The following ST8SIA2 variants were observed in gnomAD, a reference collection of about 807,000 sequenced individuals.
The protein encoded by ST8SIA2 is alpha-2,8-sialyltransferase 8B.
A neutral mutation model predicts 37.6 loss-of-function variants in ST8SIA2; 22 were observed. The ratio of observed to expected loss-of-function variants is 0.58; its 90% CI spans 0.42 to 0.83. ST8SIA2 has a LOEUF of 0.83. Ranked by LOEUF, ST8SIA2 falls within the 40% of genes least tolerant of loss-of-function variation. The pLI, the probability that ST8SIA2 is intolerant of heterozygous loss-of-function variation, is 0.00. For synonymous variants in ST8SIA2, 205 were observed against 201.2 expected, an observed-to-expected ratio of 1.02 and a Z score of -0.16; for missense variants, 382 against 484.7, an observed-to-expected ratio of 0.79 and a Z score of 1.99.
chr15:92,434,735 G>A (rs1344465819), intron 3 of ST8SIA2, among the ~76,000 whole-genome samples: 1 of 152,222 alleles, frequency 6.6e-6, no homozygotes, highest in Non-Finnish European at 1.5e-5. Context: ...GTCTGCCTGG[G>A]AGTCACATCC....
intron 5 of ST8SIA2, chr15:92,445,237 GAGAGATGGCGGCTGGCAA>G (rs2049833669): frequency 4.1e-6 from 2 of 486,412 alleles, no homozygotes; most frequent in Admixed American, 7.0e-5. Context: ...AACATGGGAG[GAGAGATGGCGGCTGGCAA>G]GTCACATACC....
At chr15:92,452,195 G>A (rs1316788057) in intron 5 of ST8SIA2, among the ~76,000 whole-genome samples, 1 of 152,122 alleles carries the variant, frequency 6.6e-6, no homozygotes, top group Non-Finnish European at 1.5e-5. Context: ...TTACATTCAT[G>A]GTCCCCAGAC....
intron 2 of ST8SIA2, 95 bp downstream of exon 2, chr15:92,430,206 C>G (rs1596239520): frequency 9.0e-6 from 11 of 1,221,108 alleles, no homozygotes; most frequent in East Asian, 4.9e-5. Context: ...TCTTACTTAG[C>G]AAATAGATCT....
intron 3 of ST8SIA2, 75 bp from the exon 4 acceptor site, chr15:92,438,278 G>A (rs758056502): frequency 1.2e-4 from 200 of 1,611,276 alleles, no homozygotes; most frequent in Admixed American, 9.8e-4. Context: ...GGGCGACCCT[G>A]GATAGGAAAA....
At chr15:92,444,996 C>T (rs2049831682) in intron 5 of ST8SIA2, 67 bp downstream of exon 5, 1 of 1,593,760 alleles carries the variant, frequency 6.3e-7, no homozygotes, top group Non-Finnish European at 8.5e-7. Flanking sequence ...TAGGCAGTAT[C>T]CCTTTCCCAG....
intron 1 of ST8SIA2, among the ~76,000 whole-genome samples, chr15:92,426,776 T>C (rs560809532): frequency 2.0e-5 from 3 of 152,340 alleles, no homozygotes; most frequent in Non-Finnish European, 4.4e-5. Context: ...GTAGATCTTA[T>C]ATGTTCTTAA....
Position 92,402,167 on chromosome 15 carries a change from G to A in ST8SIA2, c.98+8005G>A, listed in dbSNP as rs55970235. Among the ~76,000 whole-genome samples the A allele has an allele frequency of 6.8e-3, 1,037 of 152,180 alleles. 13 individuals are homozygous for A. Among genetic ancestry groups the A allele is most frequent in the African/African-American group, 0.024 (988 of 41,530 alleles). ...TGGGTCCTTGAAATCTGATTGTCTG[G>A]GGTCTGGATCCACAAGGTATTCTGA... On this transcript the variant is annotated intron_variant, in intron 1 of 5. Coordinates refer to ENST00000268164, the MANE Select transcript of ST8SIA2 (RefSeq NM_006011.4).
intron 3 of ST8SIA2, among the ~76,000 whole-genome samples, chr15:92,435,147 C>G (rs2049747356): frequency 6.6e-6 from 1 of 152,178 alleles, no homozygotes; most frequent in South Asian, 2.1e-4. Flanking sequence ...TAGCATGAAT[C>G]AGACATGCTA....
At chr15:92,423,025 A>G (rs984770122) in intron 1 of ST8SIA2, among the ~76,000 whole-genome samples, 2 of 152,192 alleles carry the variant, frequency 1.3e-5, no homozygotes, top group Non-Finnish European at 2.9e-5. Context: ...AACATATGCT[A>G]AGTGACAGAA....
At chr15:92,428,733 A>G (rs2049694261) in intron 1 of ST8SIA2, among the ~76,000 whole-genome samples, 1 of 152,198 alleles carries the variant, frequency 6.6e-6, no homozygotes, top group Non-Finnish European at 1.5e-5. Context: ...AGAAGACCCA[A>G]CGTTACTCTT....
At chr15:92,396,464 G>GTTT (rs1210731943) in intron 1 of ST8SIA2, among the ~76,000 whole-genome samples, 4 of 144,184 alleles carry the variant, frequency 2.8e-5, no homozygotes, top group African/African-American at 1.1e-4. Flanking sequence ...TTGTTTGTTT[G>GTTT]TTTTTGTTTT....
chr15:92,398,873 G>A (rs2049451036), intron 1 of ST8SIA2, among the ~76,000 whole-genome samples: 1 of 152,300 alleles, frequency 6.6e-6, no homozygotes, highest in South Asian at 2.1e-4. Flanking sequence ...CTCATCCCCA[G>A]TGGTTCTTCT....
intron 4 of ST8SIA2, among the ~76,000 whole-genome samples, chr15:92,443,894 G>T (rs774302235): frequency 6.6e-6 from 1 of 152,054 alleles, no homozygotes. Context: ...CGAGGAACCC[G>T]GGAATCTATA....
intron 1 of ST8SIA2, among the ~76,000 whole-genome samples, chr15:92,402,791 G>A (rs558122052): frequency 1.1e-4 from 17 of 152,170 alleles, no homozygotes; most frequent in African/African-American, 3.1e-4. Flanking sequence ...CAGCTTCCCC[G>A]CACGGAGTCT....
At chr15:92,415,929 G>T (rs1159449378) in intron 1 of ST8SIA2, among the ~76,000 whole-genome samples, 1 of 152,184 alleles carries the variant, frequency 6.6e-6, no homozygotes, top group Non-Finnish European at 1.5e-5. Context: ...GTGTGGAAAA[G>T]AAGATGAGGC....
intron 1 of ST8SIA2, among the ~76,000 whole-genome samples, chr15:92,417,028 G>A (rs865903982): frequency 2.0e-5 from 3 of 152,206 alleles, no homozygotes; most frequent in African/African-American, 7.2e-5. Flanking sequence ...GCAGCAACTG[G>A]TTTGTTCCTT....
chr15:92,394,030 C>T lies in ST8SIA2; in HGVS notation c.-35C>T, dbSNP rs772037445. On this transcript the variant is annotated 5_prime_UTR_variant, in exon 1 of 6. Transcript: ENST00000268164. ...GCCCTCCGGCCCCTGCTCCTCGCGC[C>T]GGCCCGCGTGGGTCCCGGCGGGCGC... 4 of 1,520,604 alleles carry T rather than the reference C, an allele frequency of 2.6e-6. No homozygotes were observed. The highest frequency in any genetic ancestry group is 1.7e-4 in the Middle Eastern group (1 of 5,882). The allele number at this position is 1,520,604 out of a possible 1,614,324, so 94.2% of individuals were successfully genotyped here.
chr15:92,454,481 AC>A (rs1187627669), intron 5 of ST8SIA2, among the ~76,000 whole-genome samples: 2 of 152,142 alleles, frequency 1.3e-5, no homozygotes, highest in African/African-American at 4.8e-5. Flanking sequence ...GAGAAATTCA[AC>A]CCATAACAGC....
intron 4 of ST8SIA2, 59 bp from the exon 5 acceptor site, chr15:92,444,577 A>G (rs2049826684): frequency 7.5e-6 from 12 of 1,609,174 alleles, no homozygotes; most frequent in Non-Finnish European, 1.0e-5. Context: ...GGATCGAGTT[A>G]AACAGAGGAA....
Sources: gnomAD v4.1 joint callset for allele counts (sites outside exome capture counted in the v4.1 genomes callset) on GRCh38, gnomAD v4.1.1 for gene constraint, MANE v1.5 for transcripts, NCBI Gene and HGNC (gene_info 2026-07-23, HGNC 2026-07-21) for gene names.